EPHA3: variants seen among roughly 807,000 people sequenced by gnomAD.
The protein encoded by EPHA3 is ephrin type-A receptor 3.
EPHA3 carries 42 observed loss-of-function variants against 107.1 expected under a neutral mutation model. The ratio of observed to expected loss-of-function variants is 0.39; its 90% CI spans 0.31 to 0.51. The LOEUF is 0.51. Among genes scored for constraint, EPHA3 ranks in the 20% least tolerant of loss-of-function variants. The pLI is 0.78. For synonymous variants in EPHA3, 461 were observed against 424.8 expected (o/e 1.09, Z -1.05); for missense variants, 1,183 against 1,211.2 (o/e 0.98, Z 0.35).
intron 15 of EPHA3, among the ~76,000 whole-genome samples, chr3:89,453,444 T>G (rs1004746737): frequency 4.6e-5 from 7 of 152,126 alleles, no homozygotes; most frequent in African/African-American, 1.7e-4. Flanking sequence ...TTATATATTT[T>G]TCTTTAATAC....
chr3:89,438,843 T>C (rs1709725147), intron 13 of EPHA3, among the ~76,000 whole-genome samples: 1 of 152,186 alleles, frequency 6.6e-6, no homozygotes, highest in Admixed American at 6.5e-5. Flanking sequence ...AAAGGTTCAG[T>C]GATTTTAATA....
intron 3 of EPHA3, among the ~76,000 whole-genome samples, chr3:89,339,370 CAA>C (rs10575384): frequency 0.39 from 40,873 of 105,734 alleles, 5,702 homozygotes; most frequent in Non-Finnish European, 0.42. Flanking sequence ...GACTCCATCT[CAA>C]AAAAAAAAAA....
intron 16 of EPHA3, among the ~76,000 whole-genome samples, chr3:89,478,469 T>C (rs1710561225): frequency 6.6e-6 from 1 of 152,180 alleles, no homozygotes; most frequent in Admixed American, 6.5e-5. Flanking sequence ...TGGACTGATC[T>C]GGTGTGGAGG....
intron 5 of EPHA3, among the ~76,000 whole-genome samples, chr3:89,394,496 G>A (rs1189646604): frequency 6.6e-6 from 1 of 152,200 alleles, no homozygotes; most frequent in Non-Finnish European, 1.5e-5. Flanking sequence ...ATAAAACCCA[G>A]TTGATGGGAA....
chr3:89,370,787 A>G (rs530918782), intron 5 of EPHA3, among the ~76,000 whole-genome samples: 2 of 151,934 alleles, frequency 1.3e-5, no homozygotes, highest in South Asian at 2.1e-4. Context: ...ACATTGAGAA[A>G]AACAGGAAGA....
In EPHA3 at chr3:89,413,258, T is replaced by C; in HGVS notation, c.1880T>C (p.Val627Ala). 6.2e-7 allele frequency: 1 copy of C among 1,611,486 alleles called. No individual in the cohort carries two copies. The highest frequency in any genetic ancestry group is 8.5e-7 in the Non-Finnish European group (1 of 1,178,146). The change falls in exon 10 of 17, where the codon GTT (valine) becomes GCT (alanine). Residue 627 changes from valine (V) to alanine (A), a missense_variant. Transcript: ENST00000336596. ...DATNISIDKV[V>A]GAGEFGEVCS... ...ACCAACATATCCATTGATAAAGTTG[T>C]TGGAGCAGGTAACCACAATGACCCT...
At chr3:89,216,482 T>A (rs141534737) in intron 3 of EPHA3, among the ~76,000 whole-genome samples, 1 of 152,174 alleles carries the variant, frequency 6.6e-6, no homozygotes, top group East Asian at 1.9e-4. Context: ...TCTCCTATCA[T>A]CTTAATGAAT....
chr3:89,475,462 G>A (rs151248382), intron 16 of EPHA3, among the ~76,000 whole-genome samples: 12 of 152,230 alleles, frequency 7.9e-5, no homozygotes, highest in African/African-American at 1.9e-4. Context: ...ATTTATTTTC[G>A]TTAGTTTAGA....
chr3:89,330,355 C>T (rs1707258360), intron 3 of EPHA3, among the ~76,000 whole-genome samples: 1 of 152,024 alleles, frequency 6.6e-6, no homozygotes, highest in South Asian at 2.1e-4. Context: ...TGATAAACTT[C>T]TCCTAGTTGG....
intron 2 of EPHA3, among the ~76,000 whole-genome samples, chr3:89,191,684 T>G (rs1277584466): frequency 6.6e-6 from 1 of 152,222 alleles, no homozygotes; most frequent in African/African-American, 2.4e-5. Context: ...AATTGGTTAA[T>G]TGGTTACCCA....
chr3:89,222,809 C>T (rs62274656), intron 3 of EPHA3, among the ~76,000 whole-genome samples: 19,031 of 152,074 alleles, frequency 0.13, 1,172 homozygotes, highest in Admixed American at 0.14. Context: ...ACTTCCAAAA[C>T]TTGAAGTGGT....
intron 1 of EPHA3, among the ~76,000 whole-genome samples, chr3:89,109,093 C>A (rs1369504958): frequency 2.0e-5 from 3 of 152,046 alleles, no homozygotes; most frequent in Non-Finnish European, 4.4e-5. Flanking sequence ...ACTTTCACTG[C>A]TAATAGAGCA....
chr3:89,450,501 T>C (rs1709964949), intron 15 of EPHA3, 131 bp downstream of exon 15: 1 of 754,182 alleles, frequency 1.3e-6, no homozygotes, highest in Non-Finnish European at 2.0e-6. Context: ...TAGAGAGATG[T>C]ATTTCCCCTT....
intron 1 of EPHA3, among the ~76,000 whole-genome samples, chr3:89,124,138 A>G (rs1227525759): frequency 6.6e-6 from 1 of 152,194 alleles, no homozygotes; most frequent in Non-Finnish European, 1.5e-5. Context: ...GTCACAACTC[A>G]TTAGCCTATC....
intron 5 of EPHA3, among the ~76,000 whole-genome samples, chr3:89,345,606 C>CTT (rs528144226): frequency 1.8e-4 from 25 of 136,650 alleles, no homozygotes; most frequent in Admixed American, 3.0e-4. Context: ...GTGACAATTT[C>CTT]TTTTTTTTTT....
intron 5 of EPHA3, among the ~76,000 whole-genome samples, chr3:89,380,618 G>T (rs1038837736): frequency 6.6e-6 from 1 of 152,074 alleles, no homozygotes; most frequent in Non-Finnish European, 1.5e-5. Context: ...TGCTAGAAAA[G>T]GGGTTTAGCT....
chr3:89,425,860 C>A (rs1234929984), intron 11 of EPHA3, among the ~76,000 whole-genome samples: 1 of 151,406 alleles, frequency 6.6e-6, no homozygotes, highest in Non-Finnish European at 1.5e-5. Context: ...TGTCATCAAG[C>A]GGCGATTCAA....
chr3:89,235,369 G>A (rs1576253259), intron 3 of EPHA3, among the ~76,000 whole-genome samples: 1 of 152,244 alleles, frequency 6.6e-6, no homozygotes, highest in East Asian at 1.9e-4. Context: ...ACAATCTAGA[G>A]ATGTGAGCCT....
chr3:89,302,678 A>G (rs1369060453), intron 3 of EPHA3, among the ~76,000 whole-genome samples: 1 of 152,250 alleles, frequency 6.6e-6, no homozygotes, highest in African/African-American at 2.4e-5. Context: ...AATCTTCAAA[A>G]TGTCTATATT....
Sources: gnomAD v4.1 joint callset for allele counts (sites outside exome capture counted in the v4.1 genomes callset) on GRCh38, gnomAD v4.1.1 for gene constraint, MANE v1.5 for transcripts, NCBI Gene and HGNC (gene_info 2026-07-23, HGNC 2026-07-21) for gene names.